Variants in SLC26A9 observed in about 807,000 individuals in gnomAD.
SLC26A9 encodes the protein anion transporter/exchanger protein 9.
Under a neutral mutation model 87.1 loss-of-function variants are expected in SLC26A9, and 46 were observed. That is an observed-to-expected ratio of 0.53 (90% CI 0.42 to 0.67). The LOEUF is 0.67. SLC26A9 is among the 30% of genes least tolerant of loss of function. The pLI is 0.00. For synonymous variants in SLC26A9, 437 were observed against 409.1 expected, an observed-to-expected ratio of 1.07 and a Z score of -0.82; for missense variants, 927 against 1,018.3, an observed-to-expected ratio of 0.91 and a Z score of 1.22.
At chr1:205,924,534 C>A in intron 12 of SLC26A9, 45 bp from the exon 13 acceptor site, 2 of 1,579,194 alleles carry the variant, frequency 1.3e-6, no homozygotes, top group Non-Finnish European at 1.7e-6. Flanking sequence ...GAAAAAACAA[C>A]CTCTTTCAGG....
intron 4 of SLC26A9, among the ~76,000 whole-genome samples, chr1:205,932,335 CA>C (rs1315872472): frequency 6.6e-6 from 1 of 152,240 alleles, no homozygotes; most frequent in Non-Finnish European, 1.5e-5. Flanking sequence ...TCCTCCATCT[CA>C]CTTAGCACCA....
At position 205,921,467 on chromosome 1, in the gene SLC26A9, C is replaced by G. The variant is rs1658823139; in HGVS notation, c.2055+99G>C. The G allele has an allele frequency of 3.5e-6, 5 of 1,437,584 alleles. 1 individual carries two copies. In the East Asian group the frequency reaches 1.2e-4, roughly 36 times the overall value. The allele number at this position is 1,437,584 out of a possible 1,614,324, so 89.1% of individuals were successfully genotyped here. A position where few individuals can be genotyped will look rare whatever the true frequency, so the allele number is the denominator to read the frequency against. ...TGTTAGTCTCCCCAGTGAGCTTCCT[C>G]CCTCAGCTTCCTGAAATGAGGGCTC... On this transcript the variant is annotated intron_variant, in intron 17 of 20. Transcript: ENST00000367135.
rs1659334811 is a variant in SLC26A9, at chr1:205,932,166, C to T, written c.377-131G>A. On this transcript the variant is annotated intron_variant, in intron 4 of 20. Coordinates refer to ENST00000367135, the MANE Select transcript of SLC26A9 (RefSeq NM_052934.4). ...GCACCTCCAAGGCTCTTCTCCAACA[C>T]AATAATAACAACCACTCACTCTAAC... The T allele has an allele frequency of 2.9e-6, 3 of 1,030,228 alleles. No homozygotes were observed. In the Admixed American group the frequency reaches 8.3e-5, roughly 29 times the overall value. The allele number at this position is 1,030,228 out of a possible 1,614,324, so 63.8% of individuals were successfully genotyped here.
chr1:205,932,556 A>T (rs1275266989), intron 4 of SLC26A9, 146 bp downstream of exon 4: 4 of 601,556 alleles, frequency 6.6e-6, no homozygotes, highest in Admixed American at 3.6e-5. Flanking sequence ...GGACCTGGAA[A>T]TGACATTCAC....
chr1:205,932,080 CACCGATGGAA>C (rs1463596084), intron 4 of SLC26A9, 45 bp from the exon 5 acceptor site: 4 of 1,603,600 alleles, frequency 2.5e-6, no homozygotes, highest in Non-Finnish European at 3.4e-6. Flanking sequence ...GTTTGAACCA[CACCGATGGAA>C]ACCAGAAAGG....
chr1:205,930,111 C>T, intron 5 of SLC26A9, 55 bp from the exon 6 acceptor site: 2 of 1,536,718 alleles, frequency 1.3e-6, no homozygotes, highest in East Asian at 2.3e-5. Flanking sequence ...TTCAGCAGTT[C>T]CAACGACCCG....
chr1:205,931,465 GTTTTTTT>G (rs34820138), intron 5 of SLC26A9, among the ~76,000 whole-genome samples: 1 of 96,012 alleles, frequency 1.0e-5, no homozygotes, highest in Admixed American at 1.1e-4. Flanking sequence ...CCCTAACTTG[GTTTTTTT>G]TTTTTTTTTT....
intron 18 of SLC26A9, among the ~76,000 whole-genome samples, chr1:205,919,385 C>T (rs185961322): frequency 1.4e-3 from 214 of 152,232 alleles, no homozygotes; most frequent in Non-Finnish European, 2.5e-3. Flanking sequence ...ACTCTTAATC[C>T]TAGAGATGGT....
chr1:205,927,908 C>G lies in SLC26A9; in HGVS notation c.1095G>C (p.Ser365=). ...LANKHGYDVD[S]NQEMIALGCS... Reference sequence around the variant, plus strand: ...CGGGGGTGGCCAGAGCTACCTGGTTCGAATCCACGTCGTAGCCGTGCTTGT... The same window carrying G: ...CGGGGGTGGCCAGAGCTACCTGGTTGGAATCCACGTCGTAGCCGTGCTTGT... The change falls in exon 9 of 21, where the codon TCG becomes TCC. Residue 365 remains serine, a synonymous_variant. Coordinates refer to ENST00000367135, the MANE Select transcript of SLC26A9 (RefSeq NM_052934.4). 6.2e-7 allele frequency: 1 copy of G among 1,613,946 alleles called. No homozygotes were observed. The highest frequency in any genetic ancestry group is 8.5e-7 in the Non-Finnish European group (1 of 1,179,872).
chr1:205,925,219 A>G (rs931585732), intron 12 of SLC26A9, among the ~76,000 whole-genome samples: 1 of 152,256 alleles, frequency 6.6e-6, no homozygotes, highest in Non-Finnish European at 1.5e-5. Context: ...TAGGTGATCA[A>G]TAAATGTGAG....
At position 205,915,217 on chromosome 1, in the gene SLC26A9, GA is replaced by G; in HGVS notation, c.*139del. On this transcript the variant is annotated 3_prime_UTR_variant, in exon 21 of 21. Transcript: ENST00000367135. ...GCGGGGAGGGAAGGAAGGGAGGAGA[GA>G]GGGGGAGAGGAGAGAGGAACCCAAG... 1 of 1,606,298 alleles carries G rather than the reference GA, an allele frequency of 6.2e-7. No individual in the cohort carries two copies. Among genetic ancestry groups the G allele is most frequent in the Non-Finnish European group, 8.5e-7 (1 of 1,175,324 alleles).
rs1571723943 is a variant in SLC26A9 at position 205,915,191 on chromosome 1, T to C, written c.*166A>G. On this transcript the variant is annotated 3_prime_UTR_variant, in exon 21 of 21. Transcript: ENST00000367135. ...GCTGCTGAGAGGCTCTCTCTGGAGA[T>C]GCGGGGAGGGAAGGAAGGGAGGAGA... is the stretch of plus-strand genomic sequence containing the variant. The C allele has an allele frequency of 1.2e-6, 2 of 1,610,156 alleles. No homozygotes were observed. Among genetic ancestry groups the C allele is most frequent in the African/African-American group, 2.7e-5 (2 of 74,710 alleles).
At chr1:205,924,186 A>G (rs1658967533) in intron 13 of SLC26A9, among the ~76,000 whole-genome samples, 197 bp downstream of exon 13, 2 of 151,906 alleles carry the variant, frequency 1.3e-5, no homozygotes, top group South Asian at 4.2e-4. Flanking sequence ...GGTTTTCAAG[A>G]TATGGGAAGT....
chr1:205,927,121 A>AC, intron 11 of SLC26A9, 90 bp downstream of exon 11: 1 of 1,346,304 alleles, frequency 7.4e-7, no homozygotes, highest in Non-Finnish European at 1.1e-6. Context: ...CAACAGTGGC[A>AC]CTTTGTGGTC....
Position 205,937,890 on chromosome 1 carries a change from CAA to C in SLC26A9, c.-18-2054_-18-2053del, listed in dbSNP as rs11390376. 4.9e-4 allele frequency among the ~76,000 whole-genome samples: 73 copies of C among 148,130 alleles called. 3 individuals carry two copies. In the South Asian group the frequency reaches 0.015, roughly 31 times the overall value. ...CCCAGGCCACTAAACAGACCACTTG[CAA>C]AAAAAAAAATAGCCAAAAATTTCAA... On this transcript the variant is annotated intron_variant, in intron 1 of 20. Transcript: ENST00000367135.
At chr1:205,926,681 GC>G in intron 11 of SLC26A9, 51 bp from the exon 12 acceptor site, 2 of 1,508,212 alleles carry the variant, frequency 1.3e-6, no homozygotes, top group Non-Finnish European at 1.8e-6. Context: ...CCTTCTTTTT[GC>G]CCTCCTGCGC....
chr1:205,931,535 C>T (rs565097784), intron 5 of SLC26A9, among the ~76,000 whole-genome samples: 30 of 139,736 alleles, frequency 2.1e-4, no homozygotes, highest in African/African-American at 6.8e-4. Flanking sequence ...GGCGCGATCT[C>T]GGCTCACTGC....
chr1:205,935,915 C>A (rs921273145), intron 1 of SLC26A9, 77 bp from the exon 2 acceptor site: 3 of 1,476,770 alleles, frequency 2.0e-6, no homozygotes, highest in South Asian at 1.4e-5. Flanking sequence ...CTCTCTGGTC[C>A]TTGCAGTAGC....
intron 13 of SLC26A9, among the ~76,000 whole-genome samples, chr1:205,923,814 G>C (rs1658948463): frequency 6.6e-6 from 1 of 152,184 alleles, no homozygotes; most frequent in Admixed American, 6.5e-5. Context: ...ATGACAGGCA[G>C]GTCCTTGACA....
Sources: gnomAD v4.1 joint callset for allele counts (sites outside exome capture counted in the v4.1 genomes callset) on GRCh38, gnomAD v4.1.1 for gene constraint, MANE v1.5 for transcripts, NCBI Gene and HGNC (gene_info 2026-07-23, HGNC 2026-07-21) for gene names.